The following NCKAP5 variants were observed in gnomAD, a reference collection of about 807,000 sequenced individuals.
NCKAP5 encodes the protein NCK associated protein 5.
Under a neutral mutation model 167.0 loss-of-function variants are expected in NCKAP5, and 92 were observed. The ratio of observed to expected loss-of-function variants is 0.55; its 90% CI spans 0.47 to 0.66. The LOEUF is 0.66. NCKAP5 is among the 30% of genes least tolerant of loss of function. The pLI, the probability that NCKAP5 is intolerant of heterozygous loss-of-function variation, is 0.00. For missense variants in NCKAP5, 2,378 were observed against 2,315.0 expected (o/e 1.03, Z -0.56); for synonymous variants, 891 against 877.4 (o/e 1.02, Z -0.27).
chr2:133,608,218 T>C, the NCKAP5 span, among the ~76,000 whole-genome samples: 1 of 152,202 alleles, frequency 6.6e-6, no homozygotes, highest in Non-Finnish European at 1.5e-5. Context: ...CTCCCCTTTA[T>C]AGCTTTTTCA....
chr2:132,875,234 AG>A (rs2148794624), intron 9 of NCKAP5, among the ~76,000 whole-genome samples: 1 of 152,294 alleles, frequency 6.6e-6, no homozygotes, highest in African/African-American at 2.4e-5. Context: ...GTATTTTTAA[AG>A]GTCCCCAGGT....
intron 6 of NCKAP5, among the ~76,000 whole-genome samples, chr2:133,060,048 G>A (rs2079945295): frequency 6.6e-6 from 1 of 152,094 alleles, no homozygotes; most frequent in South Asian, 2.1e-4. Flanking sequence ...TAAGCTCCCA[G>A]GACAAACAAT....
the NCKAP5 span, among the ~76,000 whole-genome samples, chr2:133,652,699 C>T: frequency 2.0e-5 from 3 of 152,318 alleles, no homozygotes; most frequent in Non-Finnish European, 4.4e-5. Context: ...ACAGACAGGT[C>T]GTCTCTCAGC....
rs78216442 is a variant in NCKAP5 at position 133,235,148 on chromosome 2, T to C, written c.144-21369A>G. Among the ~76,000 whole-genome samples, 1,124 of 151,938 alleles carry C rather than the reference T, an allele frequency of 7.4e-3. 12 individuals are homozygous for C. The highest frequency in any genetic ancestry group is 0.026 in the African/African-American group (1,073 of 41,474). On this transcript the variant is annotated intron_variant, in intron 4 of 19. Coordinates refer to ENST00000409261, the MANE Select transcript of NCKAP5 (RefSeq NM_207363.3). ...TCTTCATTACTCACACAATTATAAATTGGTAATTCCACAATTAGAAATTGG... is the reference window on the plus strand; with the variant it reads ...TCTTCATTACTCACACAATTATAAACTGGTAATTCCACAATTAGAAATTGG...
At chr2:133,382,301 T>C (rs1342334957) in intron 3 of NCKAP5, among the ~76,000 whole-genome samples, 1 of 152,200 alleles carries the variant, frequency 6.6e-6, no homozygotes, top group Admixed American at 6.6e-5. Flanking sequence ...TCTTCTGCAA[T>C]AGCTTGTTAA....
At chr2:132,689,044 CT>C (rs1372521397) in intron 19 of NCKAP5, among the ~76,000 whole-genome samples, 1 of 147,938 alleles carries the variant, frequency 6.8e-6, no homozygotes, top group Non-Finnish European at 1.5e-5. Flanking sequence ...ACTTCTCCTA[CT>C]TTGGTTGAAC....
the NCKAP5 span, among the ~76,000 whole-genome samples, chr2:133,668,156 C>T: frequency 6.6e-6 from 1 of 151,976 alleles, no homozygotes; most frequent in African/African-American, 2.4e-5. Context: ...TATGGATATA[C>T]CACATTTCCT....
At chr2:133,331,168 C>T (rs1682829894) in intron 3 of NCKAP5, among the ~76,000 whole-genome samples, 2 of 152,096 alleles carry the variant, frequency 1.3e-5, no homozygotes, top group Non-Finnish European at 2.9e-5. Context: ...TATTCTTGTG[C>T]TGTGCTGATT....
chr2:132,915,854 CCA>C, intron 8 of NCKAP5, among the ~76,000 whole-genome samples: 1 of 152,036 alleles, frequency 6.6e-6, no homozygotes, highest in Non-Finnish European at 1.5e-5. Flanking sequence ...TAATCTGACC[CCA>C]GAGGCAGATG....
intron 5 of NCKAP5, among the ~76,000 whole-genome samples, chr2:133,205,932 T>C (rs2085931394): frequency 6.6e-6 from 1 of 152,214 alleles, no homozygotes. Flanking sequence ...TCATTTTATA[T>C]ACAGCAATCT....
At chr2:133,421,624 G>A (rs1039315301) in intron 3 of NCKAP5, among the ~76,000 whole-genome samples, 5 of 152,258 alleles carry the variant, frequency 3.3e-5, no homozygotes, top group Middle Eastern at 3.4e-3. Flanking sequence ...CACAGCCTGC[G>A]TTTACTCACA....
At chr2:133,618,393 A>G in the NCKAP5 span, among the ~76,000 whole-genome samples, 1 of 151,828 alleles carries the variant, frequency 6.6e-6, no homozygotes, top group African/African-American at 2.4e-5. Flanking sequence ...GAAAATTTTC[A>G]CAACCCACTC....
intron 8 of NCKAP5, among the ~76,000 whole-genome samples, chr2:132,911,626 G>C (rs1460542586): frequency 6.6e-6 from 1 of 152,012 alleles, no homozygotes; most frequent in Non-Finnish European, 1.5e-5. Flanking sequence ...CTTCTTTTGT[G>C]TTTGTATGTG....
the NCKAP5 span, among the ~76,000 whole-genome samples, chr2:133,650,530 C>T: frequency 2.6e-5 from 4 of 152,014 alleles, no homozygotes. Flanking sequence ...ATCAATAGAA[C>T]AGAACAGCCA....
the NCKAP5 span, among the ~76,000 whole-genome samples, chr2:133,666,253 A>T: frequency 7.3e-6 from 1 of 136,744 alleles, no homozygotes; most frequent in African/African-American, 2.8e-5. Context: ...ACTGGAGTGC[A>T]GTGGCGCGAT....
intron 19 of NCKAP5, among the ~76,000 whole-genome samples, chr2:132,687,565 C>A (rs1686112048): frequency 6.6e-6 from 1 of 152,104 alleles, no homozygotes. Context: ...AAAGAAGTTA[C>A]TGGCAAAATG....
chr2:133,108,273 A>G (rs959298848), intron 6 of NCKAP5, among the ~76,000 whole-genome samples: 32 of 152,206 alleles, frequency 2.1e-4, no homozygotes, highest in Non-Finnish European at 2.1e-4. Flanking sequence ...AGGACGGATA[A>G]GCACTGAATA....
At chr2:133,428,988 T>C (rs1689987338) in intron 3 of NCKAP5, among the ~76,000 whole-genome samples, 1 of 152,170 alleles carries the variant, frequency 6.6e-6, no homozygotes, top group African/African-American at 2.4e-5. Flanking sequence ...AATGTACATA[T>C]GATTGGACCA....
At chr2:133,552,757 A>T (rs201084486) in intron 2 of NCKAP5, among the ~76,000 whole-genome samples, 1 of 136,802 alleles carries the variant, frequency 7.3e-6, no homozygotes. Flanking sequence ...AAAAAAAAAG[A>T]AAAAGAAAAA....
Sources: allele counts gnomAD v4.1 joint callset (sites outside exome capture counted in the v4.1 genomes callset), GRCh38; gene constraint gnomAD v4.1.1; transcripts MANE v1.5; gene names NCBI Gene and HGNC (gene_info 2026-07-23, HGNC 2026-07-21).